The following ZFHX3 variants were observed in gnomAD, a reference collection of about 807,000 sequenced individuals.
The protein encoded by ZFHX3 is zinc finger homeobox 3, also known as zinc finger homeobox protein 3.
ZFHX3 carries 42 observed loss-of-function variants against 279.1 expected under a neutral mutation model. The observed-to-expected ratio is 0.15, with a 90% CI of 0.12 to 0.19. The LOEUF (loss-of-function observed/expected upper bound fraction) is 0.19, where lower values mean the gene tolerates loss of function less well. ZFHX3 is among the 10% of genes least tolerant of loss of function. The pLI, the probability that ZFHX3 is intolerant of heterozygous loss-of-function variation, is 1.00. For missense variants in ZFHX3, 4,981 were observed against 4,754.0 expected, an observed-to-expected ratio of 1.05 and a Z score of -1.40; for synonymous variants, 2,293 against 1,957.8, an observed-to-expected ratio of 1.17 and a Z score of -4.52.
chr16:72,909,669 G>T (rs905796881), intron 3 of ZFHX3, among the ~76,000 whole-genome samples: 2 of 152,064 alleles, frequency 1.3e-5, no homozygotes, highest in Non-Finnish European at 2.9e-5. Context: ...TTGAGCTCAG[G>T]AGTTCGAGAC....
chr16:72,905,756 T>C (rs1242224731), intron 3 of ZFHX3, among the ~76,000 whole-genome samples: 4 of 152,208 alleles, frequency 2.6e-5, no homozygotes, highest in Non-Finnish European at 5.9e-5. Flanking sequence ...TGGAAGGCAG[T>C]GGCCACACAG....
chr16:72,942,849 A>C (rs1237485014), intron 3 of ZFHX3, among the ~76,000 whole-genome samples: 6 of 152,094 alleles, frequency 3.9e-5, no homozygotes, highest in Admixed American at 6.5e-5. Flanking sequence ...CATCCTGGAG[A>C]GTTCAATGAA....
chr16:72,853,703 G>A (rs1307430853), intron 4 of ZFHX3, among the ~76,000 whole-genome samples: 2 of 152,224 alleles, frequency 1.3e-5, no homozygotes, highest in African/African-American at 4.8e-5. Flanking sequence ...GAGGGCAGTA[G>A]AAGGATGCAA....
At chr16:73,300,140 G>T (rs771568409) in intron 4 of ZFHX3, among the ~76,000 whole-genome samples, 21 of 151,952 alleles carry the variant, frequency 1.4e-4, no homozygotes, top group Admixed American at 1.4e-3. Flanking sequence ...TGCACCTGTA[G>T]TCTCAGCTAC....
intron 1 of ZFHX3, among the ~76,000 whole-genome samples, chr16:73,813,329 A>G (rs1192782081): frequency 6.6e-6 from 1 of 151,778 alleles, no homozygotes; most frequent in East Asian, 1.9e-4. Context: ...GGTGAATTGC[A>G]ATGTCTGAAC....
chr16:73,791,848 T>G (rs528440831), intron 1 of ZFHX3, among the ~76,000 whole-genome samples: 1 of 152,350 alleles, frequency 6.6e-6, no homozygotes, highest in African/African-American at 2.4e-5. Context: ...TGTTATAGTA[T>G]GCTAAATGGC....
At chr16:73,766,079 GAAGAA>G (rs2053937358) in intron 1 of ZFHX3, among the ~76,000 whole-genome samples, 1 of 152,166 alleles carries the variant, frequency 6.6e-6, no homozygotes, top group African/African-American at 2.4e-5. Flanking sequence ...ATATGGCATT[GAAGAA>G]AAGAGTTCTC....
At chr16:73,276,187 T>C (rs868093119) in intron 4 of ZFHX3, among the ~76,000 whole-genome samples, 2 of 150,888 alleles carry the variant, frequency 1.3e-5, no homozygotes, top group Non-Finnish European at 1.5e-5. Context: ...CTTTTTTTTT[T>C]TTTTTTCTTT....
intron 8 of ZFHX3, 116 bp downstream of exon 8, chr16:72,799,911 G>A (rs1316599374): frequency 4.4e-6 from 4 of 901,078 alleles, no homozygotes; most frequent in Non-Finnish European, 7.2e-6. Context: ...CTCATCTCCT[G>A]ATCAGTTACA....
chr16:73,867,352 T>G (rs1400423141), intron 1 of ZFHX3, among the ~76,000 whole-genome samples: 1 of 152,148 alleles, frequency 6.6e-6, no homozygotes, highest in Non-Finnish European at 1.5e-5. Context: ...CTGAGCTGGG[T>G]TCTGCTTCAC....
intron 1 of ZFHX3, among the ~76,000 whole-genome samples, chr16:72,987,430 C>G (rs996657584): frequency 3.9e-5 from 6 of 152,202 alleles, no homozygotes; most frequent in South Asian, 2.1e-4. Context: ...TTCACCAGTG[C>G]TCCTGGTCTC....
At chr16:73,404,282 A>C (rs970647852) in intron 3 of ZFHX3, among the ~76,000 whole-genome samples, 2 of 152,152 alleles carry the variant, frequency 1.3e-5, no homozygotes, top group Non-Finnish European at 2.9e-5. Flanking sequence ...AGAGGGCTGG[A>C]CTTCAACCTC....
At chr16:73,514,469 T>C (rs891289496) in intron 2 of ZFHX3, among the ~76,000 whole-genome samples, 2 of 152,302 alleles carry the variant, frequency 1.3e-5, no homozygotes, top group Admixed American at 6.5e-5. Context: ...TTAGGTCCCA[T>C]CATTATTATT....
intron 2 of ZFHX3, among the ~76,000 whole-genome samples, chr16:73,531,301 T>C (rs1302642135): frequency 2.6e-5 from 4 of 152,250 alleles, no homozygotes; most frequent in Non-Finnish European, 5.9e-5. Flanking sequence ...TTGCTATTTA[T>C]ATGCTTTTGA....
At chr16:72,953,374 G>T (rs1961091211) in intron 2 of ZFHX3, among the ~76,000 whole-genome samples, 2 of 152,020 alleles carry the variant, frequency 1.3e-5, no homozygotes, top group Admixed American at 1.3e-4. Context: ...CATACTCAGT[G>T]TTCAGTCAAA....
chr16:72,905,620 T>C (rs1425595379), intron 3 of ZFHX3, among the ~76,000 whole-genome samples: 1 of 152,140 alleles, frequency 6.6e-6, no homozygotes, highest in Admixed American at 6.5e-5. Context: ...GTCAGAATTC[T>C]ACATGTGTGC....
chr16:72,824,595 C>T (rs770144703), intron 5 of ZFHX3, among the ~76,000 whole-genome samples: 4 of 152,278 alleles, frequency 2.6e-5, no homozygotes, highest in Admixed American at 6.5e-5. Context: ...CTGGTCATCT[C>T]GTCCCAAATT....
intron 4 of ZFHX3, among the ~76,000 whole-genome samples, chr16:72,876,418 G>A (rs2038314336): frequency 6.6e-6 from 1 of 152,074 alleles, no homozygotes; most frequent in Non-Finnish European, 1.5e-5. Flanking sequence ...GCAAGATGCT[G>A]GCTACGATTC....
At chr16:73,276,895 C>T (rs2014316178) in intron 4 of ZFHX3, among the ~76,000 whole-genome samples, 1 of 152,200 alleles carries the variant, frequency 6.6e-6, no homozygotes, top group African/African-American at 2.4e-5. Flanking sequence ...GTCCTTAAAA[C>T]TATCCTCTGC....
Sources: gnomAD v4.1 joint callset for allele counts (sites outside exome capture counted in the v4.1 genomes callset) on GRCh38, gnomAD v4.1.1 for gene constraint, MANE v1.5 for transcripts, NCBI Gene and HGNC (gene_info 2026-07-23, HGNC 2026-07-21) for gene names.